The following KIF19 variants were observed in gnomAD, a reference collection of about 807,000 sequenced individuals.
KIF19 encodes kinesin family member 19, also known as kinesin-like protein KIF19.
Under a neutral mutation model 106.6 loss-of-function variants are expected in KIF19, and 98 were observed. The observed-to-expected ratio is 0.92, with a 90% CI of 0.78 to 1.09. The LOEUF (loss-of-function observed/expected upper bound fraction) is 1.09. KIF19 is among the 50% of genes least tolerant of loss of function. KIF19 has a pLI of 0.00. For missense variants in KIF19, 1,373 were observed against 1,414.3 expected, an observed-to-expected ratio of 0.97 and a Z score of 0.47; for synonymous variants, 516 against 584.2, an observed-to-expected ratio of 0.88 and a Z score of 1.68.
chr17:74,346,280 A>G lies in KIF19; in HGVS notation c.778-98A>G, dbSNP rs2054527568. On this transcript the variant is annotated intron_variant, in intron 7 of 19. Transcript: ENST00000389916. The surrounding 1 kb of genome is among the most constrained non-coding windows in gnomAD (Gnocchi z 4.6). ...GCCACAAGGTCCTTGGGGGTTTATT[A>G]CCCAGGATCACCAGGTCATTCATTG... The G allele has an allele frequency of 7.3e-7, 1 of 1,364,176 alleles. No homozygotes were observed. Among genetic ancestry groups the G allele is most frequent in the African/African-American group, 1.4e-5 (1 of 69,040 alleles). The allele number at this position is 1,364,176 out of a possible 1,614,324, so 84.5% of individuals were successfully genotyped here.
intron 2 of KIF19, among the ~76,000 whole-genome samples, chr17:74,335,895 C>T (rs2054208193): frequency 6.6e-6 from 1 of 152,216 alleles, no homozygotes; most frequent in African/African-American, 2.4e-5. Context: ...ACTCAGCTCC[C>T]TATGGCAGGT....
At position 74,346,440 on chromosome 17, in the gene KIF19, G is replaced by T; in HGVS notation, c.840G>T (p.Leu280=). Residue 280 remains leucine (L), a synonymous_variant, in exon 8 of 20, where the codon CTG becomes CTT. Transcript: ENST00000389916. This position sits in a 1 kb window ranked among gnomAD's most constrained non-coding sequence, Gnocchi z 4.6. The part of the protein sequence containing the change: ...GAHINRSLLA[L]GNCINALSDK... Reference sequence around the variant, plus strand: ...ACATCAACCGCTCACTGCTGGCACTGGGCAACTGCATCAACGCCCTGAGCG... The same window carrying T: ...ACATCAACCGCTCACTGCTGGCACTTGGCAACTGCATCAACGCCCTGAGCG... The T allele has an allele frequency of 6.4e-7, 1 of 1,569,586 alleles. No individual in the cohort carries two copies.
chr17:74,332,957 G>A (rs552961012), intron 2 of KIF19, among the ~76,000 whole-genome samples: 1 of 152,348 alleles, frequency 6.6e-6, no homozygotes, highest in South Asian at 2.1e-4. Flanking sequence ...CCCGAGAGCT[G>A]TCGAGAGGAT....
chr17:74,350,505 C>A lies in KIF19; in HGVS notation c.1318C>A (p.Leu440Met). 3 of 1,612,700 alleles carry A rather than the reference C, an allele frequency of 1.9e-6. No homozygotes were observed. Among genetic ancestry groups the A allele is most frequent in the Non-Finnish European group, 2.5e-6 (3 of 1,179,808 alleles). Residue 440 changes from leucine (L) to methionine (M), a missense_variant, in exon 11 of 20, where the codon CTG becomes ATG. This residue lies in a region of KIF19 where 1,020 missense variants were observed against 1,008.2 expected (regional missense o/e 1.01). Transcript: ENST00000389916. Reference protein sequence around the residue: ...FQEQMDVRRRLLELENRAMEV... With the variant: ...FQEQMDVRRRMLELENRAMEV... Reference sequence around the variant, plus strand: ...GGAGCAGATGGATGTGCGGAGGCGCCTGCTGGAGCTGGAGAACCGCGCCAT... The same window carrying A: ...GGAGCAGATGGATGTGCGGAGGCGCATGCTGGAGCTGGAGAACCGCGCCAT...
rs73995260 is a variant in KIF19, at chr17:74,350,779, C to T, written c.1461C>T (p.Asp487=). ...AGCGAAAGGAGTGCTACGCTAAGGA[C>T]GACAGCGAGAAGGACTCAGACACAG... is the stretch of plus-strand genomic sequence containing the variant. ...EEQRKECYAK[D]DSEKDSDTGD... is the part of the protein sequence containing the mutation. Residue 487 remains aspartate (D), a synonymous_variant, in exon 12 of 20, where the codon GAC becomes GAT. Transcript: ENST00000389916. The T allele has an allele frequency of 0.052, 84,173 of 1,613,922 alleles. 2,992 individuals carry two copies. The highest frequency in any genetic ancestry group is 0.18 in the African/African-American group (13,633 of 75,018).
chr17:74,351,237 C>T (rs1375399477), intron 12 of KIF19: 4 of 301,386 alleles, frequency 1.3e-5, no homozygotes, highest in African/African-American at 2.2e-5. Context: ...AATCTCAGCA[C>T]GTTGGGAAGT....
chr17:74,354,083 C>A, intron 17 of KIF19, 79 bp from the exon 18 acceptor site: 1 of 1,476,788 alleles, frequency 6.8e-7, no homozygotes, highest in Non-Finnish European at 9.1e-7. Flanking sequence ...CTGGCTCCTA[C>A]CCACGTCTGC....
At chr17:74,342,742 G>A (rs1290115996) in intron 4 of KIF19, 25 bp downstream of exon 4, 4 of 1,597,156 alleles carry the variant, frequency 2.5e-6, no homozygotes, top group Non-Finnish European at 3.4e-6. Flanking sequence ...CAGACTGTGG[G>A]CGAGGACCGC....
chr17:74,344,150 G>T, intron 5 of KIF19, 73 bp from the exon 6 acceptor site: 1 of 1,415,390 alleles, frequency 7.1e-7, no homozygotes. Flanking sequence ...GAAAGGAAAG[G>T]GGACTCAGCC....
chr17:74,355,583 C>T lies in KIF19; in HGVS notation c.*271C>T. ...CCTGGACAGAATGCTGTTGCCAAAA[C>T]CTGCACAGCCCTGAGGCCAGCCTCG... On this transcript the variant is annotated 3_prime_UTR_variant, in exon 20 of 20. Coordinates refer to ENST00000389916, the MANE Select transcript of KIF19 (RefSeq NM_153209.4). The T allele has an allele frequency of 8.3e-6, 3 of 362,260 alleles. No homozygotes were observed. Among genetic ancestry groups the T allele is most frequent in the Non-Finnish European group, 1.5e-5 (3 of 203,086 alleles). 22.4% of individuals were successfully genotyped at this position (362,260 alleles called of 1,614,324 possible).
chr17:74,352,163 G>A (rs768810145), intron 13 of KIF19, 26 bp downstream of exon 13: 2 of 1,587,086 alleles, frequency 1.3e-6, no homozygotes, highest in Non-Finnish European at 1.7e-6. Flanking sequence ...CCGCGCATCT[G>A]AGCCACCCGC....
At position 74,354,578 on chromosome 17, in the gene KIF19, G is replaced by A; in HGVS notation, c.2706+19G>A. The A allele has an allele frequency of 6.3e-7, 1 of 1,578,160 alleles. No homozygotes were observed. Among genetic ancestry groups the A allele is most frequent in the Non-Finnish European group, 8.6e-7 (1 of 1,164,174 alleles). On this transcript the variant is annotated intron_variant, in intron 18 of 19. Transcript: ENST00000389916. ...GCAAGGGGTGAGGCGAGGCGCAGGG[G>A]TGGGTGTCTAGGCACTCCCATAGCA...
chr17:74,353,373 C>T (rs772416795), intron 16 of KIF19, 72 bp downstream of exon 16: 39 of 1,452,436 alleles, frequency 2.7e-5, no homozygotes, highest in Non-Finnish European at 3.7e-5. Flanking sequence ...TGGACAGCAG[C>T]AGTTGGGATG....
chr17:74,355,214 C>G lies in KIF19; in HGVS notation c.2899C>G (p.Pro967Ala), dbSNP rs2054847248. 1 of 1,612,002 alleles carries G rather than the reference C, an allele frequency of 6.2e-7. No homozygotes were observed. The highest frequency in any genetic ancestry group is 8.5e-7 in the Non-Finnish European group (1 of 1,179,182). ...PGDSSPLAVP[P>A]NPGGGSRRAT... ...GGACTCCTCACCCCTGGCTGTTCCC[C>G]CCAACCCAGGTGGTGGTTCTCGACG... Residue 967 changes from proline to alanine, a missense_variant, in exon 20 of 20, where the codon CCC (proline) becomes GCC (alanine). Physicochemically the swap from Pro to Ala is conservative, Grantham distance 27. Transcript: ENST00000389916.
Position 74,346,053 on chromosome 17 carries a change from G to A in KIF19, c.778-325G>A, listed in dbSNP as rs552181902. 6.6e-5 allele frequency among the ~76,000 whole-genome samples: 10 copies of A among 152,342 alleles called. No homozygotes were observed. Among genetic ancestry groups the A allele is most frequent in the African/African-American group, 2.2e-4 (9 of 41,578 alleles). The stretch of plus-strand genomic sequence containing the variant: ...CTCTGGAGCACCAGTGGTCCTGCCG[G>A]CTCCCAGCTGAGCTGCCTGGAAAGC... On this transcript the variant is annotated intron_variant, in intron 7 of 19. Coordinates refer to ENST00000389916, the MANE Select transcript of KIF19 (RefSeq NM_153209.4). The surrounding 1 kb of genome is among the most constrained non-coding windows in gnomAD (Gnocchi z 4.6).
intron 6 of KIF19, among the ~76,000 whole-genome samples, 158 bp downstream of exon 6, chr17:74,344,506 G>A (rs559725770): frequency 6.6e-6 from 1 of 152,340 alleles, no homozygotes; most frequent in African/African-American, 2.4e-5. Flanking sequence ...ACTCACACCT[G>A]CCCCAATGCC....
Position 74,331,725 on chromosome 17 carries a change from C to T in KIF19, c.120+3220C>T, listed in dbSNP as rs368872742. On this transcript the variant is annotated intron_variant, in intron 2 of 19. Coordinates refer to ENST00000389916, the MANE Select transcript of KIF19 (RefSeq NM_153209.4). The surrounding 1 kb of genome is among the most constrained non-coding windows in gnomAD (Gnocchi z 4.1). ...CCATGTAGCTGGGATTACGGGCGCG[C>T]GCCACCGTGCCCAGCTAATTTTTGT... is the stretch of plus-strand genomic sequence containing the variant. Among the ~76,000 whole-genome samples the T allele has an allele frequency of 3.6e-3, 541 of 151,932 alleles. 3 individuals are homozygous for T. Among genetic ancestry groups the T allele is most frequent in the Admixed American group, 9.2e-3 (140 of 15,244 alleles).
intron 9 of KIF19, 129 bp from the exon 10 acceptor site, chr17:74,349,055 G>A (rs2054612516): frequency 4.7e-6 from 4 of 851,478 alleles, no homozygotes; most frequent in South Asian, 1.7e-5. Flanking sequence ...TGGAAGTGGA[G>A]GAAAGGAGGC....
intron 2 of KIF19, among the ~76,000 whole-genome samples, chr17:74,333,745 C>G (rs2054151195): frequency 6.6e-6 from 1 of 152,164 alleles, no homozygotes; most frequent in South Asian, 2.1e-4. Flanking sequence ...TCCTTACACT[C>G]AGCATCTGGA....
Sources: allele counts gnomAD v4.1 joint callset (sites outside exome capture counted in the v4.1 genomes callset), GRCh38; gene constraint gnomAD v4.1.1; regional missense constraint gnomAD v4.1.1; non-coding constraint Gnocchi (gnomAD v3.1); transcripts MANE v1.5; gene names NCBI Gene and HGNC (gene_info 2026-07-23, HGNC 2026-07-21).